PTPRT: variants seen among roughly 807,000 people sequenced by gnomAD.
The protein encoded by PTPRT is receptor-type tyrosine-protein phosphatase T.
In PTPRT, 56 loss-of-function variants were observed where a neutral mutation model predicts 176.8. The ratio of observed to expected loss-of-function variants is 0.32; its 90% CI spans 0.26 to 0.40. PTPRT has a LOEUF of 0.40. Among genes scored for constraint, PTPRT ranks in the 10% least tolerant of loss-of-function variants. The probability of loss-of-function intolerance (pLI) is 1.00; values close to 1 mark genes in which losing one functional copy is unlikely to be tolerated. For missense variants in PTPRT, 1,540 were observed against 1,908.2 expected, an observed-to-expected ratio of 0.81 and a Z score of 3.60; for synonymous variants, 783 against 739.0, an observed-to-expected ratio of 1.06 and a Z score of -0.96.
chr20:42,518,992 T>C (rs1198049111), intron 7 of PTPRT, among the ~76,000 whole-genome samples: 1 of 152,044 alleles, frequency 6.6e-6, no homozygotes, highest in Non-Finnish European at 1.5e-5. Flanking sequence ...TTATCCAGTT[T>C]CCCCCATTTT....
chr20:43,024,867 C>A (rs1458594689), intron 1 of PTPRT, among the ~76,000 whole-genome samples: 1 of 152,184 alleles, frequency 6.6e-6, no homozygotes, highest in African/African-American at 2.4e-5. Context: ...GCCCAGCCCA[C>A]CCCTGGGAGA....
intron 9 of PTPRT, among the ~76,000 whole-genome samples, chr20:42,404,282 C>A (rs1184688421): frequency 1.3e-5 from 2 of 152,106 alleles, no homozygotes; most frequent in Non-Finnish European, 2.9e-5. Flanking sequence ...CCCTGGTCAG[C>A]CATCCAGACC....
chr20:43,070,013 C>CT (rs1023029474), intron 1 of PTPRT, among the ~76,000 whole-genome samples: 3 of 152,294 alleles, frequency 2.0e-5, no homozygotes, highest in African/African-American at 7.2e-5. Flanking sequence ...TTAGAAAACG[C>CT]TTTTGCCCAA....
chr20:42,809,157 C>T (rs894845143), intron 2 of PTPRT, among the ~76,000 whole-genome samples: 5 of 152,214 alleles, frequency 3.3e-5, no homozygotes, highest in African/African-American at 1.2e-4. Context: ...AGCCCAAGCA[C>T]GAGATGTTGG....
chr20:42,550,100 A>C (rs2072741341), intron 7 of PTPRT, among the ~76,000 whole-genome samples: 1 of 152,116 alleles, frequency 6.6e-6, no homozygotes, highest in Admixed American at 6.6e-5. Flanking sequence ...TTGAATAGCT[A>C]TCGCTTTGTC....
intron 9 of PTPRT, among the ~76,000 whole-genome samples, chr20:42,353,677 T>C (rs909469973): frequency 6.6e-6 from 1 of 152,218 alleles, no homozygotes; most frequent in African/African-American, 2.4e-5. Flanking sequence ...ACTTTGAGTG[T>C]CACATCTTGA....
In PTPRT at chr20:42,090,487, A is replaced by T. The variant is rs539575619; in HGVS notation, c.3847-4634T>A. Among the ~76,000 whole-genome samples, 49 of 152,190 alleles carry T rather than the reference A, an allele frequency of 3.2e-4. No individual in the cohort carries two copies. The South Asian group carries it at 0.01, about 32-fold the overall frequency. On this transcript the variant is annotated intron_variant, in intron 27 of 30. Transcript: ENST00000373187. ...AGCAGTGAGGTATAAAAGGCAACTCAGTGTGTCACATAACCCTGCTCCTAA... is the reference window on the plus strand; with the variant it reads ...AGCAGTGAGGTATAAAAGGCAACTCTGTGTGTCACATAACCCTGCTCCTAA...
chr20:42,089,639 A>G (rs894011336), intron 27 of PTPRT, among the ~76,000 whole-genome samples: 3 of 152,044 alleles, frequency 2.0e-5, no homozygotes, highest in African/African-American at 7.2e-5. Context: ...GGCTTTTCTA[A>G]TCCTAAATCA....
At chr20:42,159,167 G>T (rs1364889161) in intron 17 of PTPRT, among the ~76,000 whole-genome samples, 4 of 132,910 alleles carry the variant, frequency 3.0e-5, no homozygotes, top group Non-Finnish European at 3.2e-5. Context: ...TAATCAAATT[G>T]TTATGACTAA....
intron 7 of PTPRT, among the ~76,000 whole-genome samples, chr20:42,555,668 A>G (rs759912487): frequency 9.2e-5 from 14 of 152,172 alleles, no homozygotes; most frequent in Non-Finnish European, 2.1e-4. Flanking sequence ...CCCCAGAGAC[A>G]GGAGGTTTGC....
intron 1 of PTPRT, among the ~76,000 whole-genome samples, chr20:43,105,486 C>G (rs973120144): frequency 2.2e-4 from 34 of 152,254 alleles, no homozygotes; most frequent in African/African-American, 7.5e-4. Context: ...CTGCAACCTC[C>G]ACCTCCTGGG....
At chr20:42,141,353 G>C (rs1196897643) in intron 18 of PTPRT, among the ~76,000 whole-genome samples, 8 of 152,204 alleles carry the variant, frequency 5.3e-5, no homozygotes, top group African/African-American at 1.9e-4. Context: ...AGAGTTACTG[G>C]CTTCTTCTGA....
At chr20:42,162,981 C>T (rs1989671661) in intron 16 of PTPRT, among the ~76,000 whole-genome samples, 1 of 152,202 alleles carries the variant, frequency 6.6e-6, no homozygotes, top group Non-Finnish European at 1.5e-5. Flanking sequence ...TGACAATTTT[C>T]CAGTTTTAAC....
intron 6 of PTPRT, among the ~76,000 whole-genome samples, chr20:42,704,972 G>A (rs1378512681): frequency 6.6e-6 from 1 of 152,128 alleles, no homozygotes; most frequent in Non-Finnish European, 1.5e-5. Flanking sequence ...TTGGGAGATT[G>A]AGGCAGGCAG....
chr20:42,747,144 A>C (rs2076702532), intron 6 of PTPRT, among the ~76,000 whole-genome samples: 1 of 152,216 alleles, frequency 6.6e-6, no homozygotes, highest in Admixed American at 6.5e-5. Context: ...GTAATACTTA[A>C]AGGAAAAGGT....
intron 12 of PTPRT, among the ~76,000 whole-genome samples, chr20:42,292,980 G>T (rs1330286585): frequency 2.0e-5 from 3 of 152,176 alleles, no homozygotes; most frequent in Non-Finnish European, 2.9e-5. Context: ...AACAGTGAGT[G>T]GCAAGGTGCA....
rs1447322007 is a variant in PTPRT, at chr20:42,316,005, GA to G, written c.1866-10del. ...CAACCAGCTGATAAACACTGGACAG[GA>G]AAGAGGAGACACAGATGGTTGAGCA... is the stretch of plus-strand genomic sequence containing the variant. On this transcript the variant is annotated splice_polypyrimidine_tract_variant and intron_variant, in intron 11 of 30. Coordinates refer to ENST00000373187, the MANE Select transcript of PTPRT (RefSeq NM_007050.6). 9.3e-6 allele frequency: 15 copies of G among 1,613,148 alleles called. No homozygotes were observed. The highest frequency in any genetic ancestry group is 1.3e-5 in the Non-Finnish European group (15 of 1,179,412).
intron 13 of PTPRT, among the ~76,000 whole-genome samples, chr20:42,274,932 A>G (rs537699823): frequency 6.6e-6 from 1 of 152,192 alleles, no homozygotes; most frequent in African/African-American, 2.4e-5. Context: ...AATAGGTAGG[A>G]GACAGAGCAT....
intron 22 of PTPRT, 145 bp downstream of exon 22, chr20:42,115,054 C>T: frequency 1.6e-6 from 1 of 614,024 alleles, no homozygotes; most frequent in Non-Finnish European, 3.0e-6. Flanking sequence ...TAGCAGGACC[C>T]ATGTCTGCCC....
Sources: gnomAD v4.1 joint callset for allele counts (sites outside exome capture counted in the v4.1 genomes callset) on GRCh38, gnomAD v4.1.1 for gene constraint, MANE v1.5 for transcripts, NCBI Gene and HGNC (gene_info 2026-07-23, HGNC 2026-07-21) for gene names.